GRID1: variants seen among roughly 807,000 people sequenced by gnomAD.
The protein encoded by GRID1 is glutamate receptor ionotropic, delta-1.
A neutral mutation model predicts 98.0 loss-of-function variants in GRID1; 28 were observed. The ratio of observed to expected loss-of-function variants is 0.29; its 90% CI spans 0.21 to 0.39. GRID1 has a LOEUF of 0.39. Ranked by LOEUF, GRID1 falls within the 10% of genes least tolerant of loss-of-function variation. GRID1 has a pLI of 1.00. For synonymous variants in GRID1, 553 were observed against 538.5 expected, an observed-to-expected ratio of 1.03 and a Z score of -0.37; for missense variants, 1,111 against 1,340.5, an observed-to-expected ratio of 0.83 and a Z score of 2.67.
chr10:85,823,566 A>C (rs1049217385), intron 8 of GRID1, among the ~76,000 whole-genome samples: 10 of 152,122 alleles, frequency 6.6e-5, no homozygotes, highest in African/African-American at 2.2e-4. Flanking sequence ...AATTCACCAA[A>C]AGCAATATAA....
chr10:86,274,136 G>A (rs1309502773), intron 2 of GRID1, among the ~76,000 whole-genome samples: 1 of 152,134 alleles, frequency 6.6e-6, no homozygotes, highest in Non-Finnish European at 1.5e-5. Flanking sequence ...CATATGGCTA[G>A]CCAGTTTTCC....
At chr10:86,151,745 C>T (rs1025423962) in intron 3 of GRID1, among the ~76,000 whole-genome samples, 1 of 152,210 alleles carries the variant, frequency 6.6e-6, no homozygotes, top group African/African-American at 2.4e-5. Flanking sequence ...CTGAGGGCCA[C>T]CCAGGGGCTG....
At chr10:85,744,180 G>GA (rs1367866343) in intron 8 of GRID1, among the ~76,000 whole-genome samples, 1 of 152,064 alleles carries the variant, frequency 6.6e-6, no homozygotes, top group Non-Finnish European at 1.5e-5. Context: ...AGACTTCTCA[G>GA]AAAGACAAAA....
intron 4 of GRID1, among the ~76,000 whole-genome samples, chr10:85,928,129 T>C (rs1189772105): frequency 6.6e-6 from 1 of 151,838 alleles, no homozygotes; most frequent in Non-Finnish European, 1.5e-5. Context: ...CCCACTAAAC[T>C]CCCTCAGGCA....
At chr10:85,673,559 A>C (rs957204063) in intron 12 of GRID1, among the ~76,000 whole-genome samples, 1 of 152,232 alleles carries the variant, frequency 6.6e-6, no homozygotes, top group African/African-American at 2.4e-5. Flanking sequence ...GGAGACATCA[A>C]CTTTGAGGCA....
intron 2 of GRID1, among the ~76,000 whole-genome samples, chr10:86,252,710 G>C (rs966923112): frequency 6.6e-6 from 1 of 152,222 alleles, no homozygotes; most frequent in Non-Finnish European, 1.5e-5. Flanking sequence ...TGGTCGAGTG[G>C]TGGAAGGATG....
At chr10:85,826,938 C>A (rs914450493) in intron 8 of GRID1, among the ~76,000 whole-genome samples, 3 of 152,118 alleles carry the variant, frequency 2.0e-5, no homozygotes, top group African/African-American at 7.2e-5. Context: ...ACAATCAAAC[C>A]CCCAAGGGCA....
chr10:85,909,473 T>C (rs539048839), intron 5 of GRID1, among the ~76,000 whole-genome samples: 1 of 152,308 alleles, frequency 6.6e-6, no homozygotes, highest in South Asian at 2.1e-4. Flanking sequence ...TTATTTGTAA[T>C]AGCAAAAAAC....
Position 85,933,378 on chromosome 10 carries a change from C to T in GRID1, c.727-17139G>A, listed in dbSNP as rs114582004. ...TAAGTAAATTGCATGTTATGAGGGA[C>T]GGGTATACAGATTATTTCATCACCC... is the stretch of plus-strand genomic sequence containing the variant. On this transcript the variant is annotated intron_variant, in intron 4 of 15. Coordinates refer to ENST00000327946, the MANE Select transcript of GRID1 (RefSeq NM_017551.3). Among the ~76,000 whole-genome samples, 1,410 of 150,940 alleles carry T rather than the reference C, an allele frequency of 9.3e-3. 20 individuals carry two copies. Among genetic ancestry groups the T allele is most frequent in the African/African-American group, 0.032 (1,292 of 40,944 alleles).
chr10:86,123,944 C>T (rs1050890836), intron 4 of GRID1, among the ~76,000 whole-genome samples: 4 of 152,196 alleles, frequency 2.6e-5, no homozygotes, highest in Admixed American at 2.6e-4. Flanking sequence ...AGGGCCCATG[C>T]AGGCGGCCTG....
chr10:86,322,920 C>T (rs1295822556), intron 2 of GRID1, among the ~76,000 whole-genome samples: 3 of 149,232 alleles, frequency 2.0e-5, no homozygotes, highest in African/African-American at 7.4e-5. Flanking sequence ...GGTGAAACCC[C>T]GTCTCTACTA....
chr10:85,709,139 G>A (rs1841555460), intron 12 of GRID1: 1 of 335,574 alleles, frequency 3.0e-6, no homozygotes, highest in South Asian at 3.4e-5. Context: ...TGTGTCAGGT[G>A]CTGCAGAGCA....
intron 8 of GRID1, among the ~76,000 whole-genome samples, chr10:85,763,871 T>C (rs769712689): frequency 6.6e-6 from 1 of 152,192 alleles, no homozygotes; most frequent in Non-Finnish European, 1.5e-5. Context: ...TACCAATTCA[T>C]GATCTAAGGC....
At chr10:86,132,140 C>T (rs1294465659) in intron 4 of GRID1, among the ~76,000 whole-genome samples, 1 of 152,130 alleles carries the variant, frequency 6.6e-6, no homozygotes, top group Non-Finnish European at 1.5e-5. Context: ...CAGAGGCCTG[C>T]AAGACCAGTG....
At chr10:85,763,513 A>T (rs760569023) in intron 8 of GRID1, among the ~76,000 whole-genome samples, 1 of 152,214 alleles carries the variant, frequency 6.6e-6, no homozygotes, top group Non-Finnish European at 1.5e-5. Context: ...TCCTATGTTG[A>T]TTTCTCATAA....
At chr10:86,061,475 C>T (rs900114504) in intron 4 of GRID1, among the ~76,000 whole-genome samples, 1 of 152,192 alleles carries the variant, frequency 6.6e-6, no homozygotes, top group Non-Finnish European at 1.5e-5. Flanking sequence ...CCGTCTGGCT[C>T]GCCCTCTCCA....
At chr10:86,347,718 G>A (rs1304974557) in intron 2 of GRID1, among the ~76,000 whole-genome samples, 1 of 152,210 alleles carries the variant, frequency 6.6e-6, no homozygotes, top group Non-Finnish European at 1.5e-5. Context: ...GCAGCCTCTG[G>A]CCTTTTCTAT....
chr10:86,072,886 C>T (rs1489673865), intron 4 of GRID1, among the ~76,000 whole-genome samples: 4 of 152,206 alleles, frequency 2.6e-5, no homozygotes, highest in East Asian at 1.9e-4. Flanking sequence ...CTACACAGCA[C>T]GGAGGTGAGA....
chr10:86,089,711 G>A (rs1410615733), intron 4 of GRID1, among the ~76,000 whole-genome samples: 1 of 151,994 alleles, frequency 6.6e-6, no homozygotes, highest in Non-Finnish European at 1.5e-5. Flanking sequence ...ATCTCAGCAA[G>A]GAAATACAAT....
Sources: allele counts gnomAD v4.1 joint callset (sites outside exome capture counted in the v4.1 genomes callset), GRCh38; gene constraint gnomAD v4.1.1; transcripts MANE v1.5; gene names NCBI Gene and HGNC (gene_info 2026-07-23, HGNC 2026-07-21).